Variants in CACNA1E observed in about 807,000 individuals in gnomAD.
CACNA1E encodes calcium voltage-gated channel subunit alpha1 E.
In CACNA1E, 40 loss-of-function variants were observed where a neutral mutation model predicts 259.2. That is an observed-to-expected ratio of 0.15 (90% CI 0.12 to 0.20). The LOEUF (loss-of-function observed/expected upper bound fraction) is 0.20. CACNA1E is among the 10% of genes least tolerant of loss of function. The probability of loss-of-function intolerance (pLI) is 1.00; values close to 1 mark genes in which losing one functional copy is unlikely to be tolerated. For missense variants in CACNA1E, 1,874 were observed against 3,040.1 expected (o/e 0.62, Z 9.02); for synonymous variants, 1,104 against 1,138.5 (o/e 0.97, Z 0.61).
At chr1:181,329,995 C>A (rs1274072907) in intron 1 of CACNA1E, among the ~76,000 whole-genome samples, 1 of 152,196 alleles carries the variant, frequency 6.6e-6, no homozygotes, top group East Asian at 1.9e-4. Context: ...GGATTTGCCC[C>A]TCCCAGTCCC....
intron 19 of CACNA1E, 117 bp downstream of exon 19, chr1:181,731,348 G>C (rs1259835964): frequency 2.8e-5 from 14 of 498,664 alleles, no homozygotes; most frequent in Non-Finnish European, 4.5e-5. Flanking sequence ...GTGTGGCTTG[G>C]TGTGTGTGTG....
At position 181,732,312 on chromosome 1, in the gene CACNA1E, G is replaced by A; in HGVS notation, c.2298-72G>A. On this transcript the variant is annotated intron_variant, in intron 19 of 47. Coordinates refer to ENST00000367573, the MANE Select transcript of CACNA1E (RefSeq NM_001205293.3). This position sits in a 1 kb window ranked among gnomAD's most constrained non-coding sequence, Gnocchi z 5.5. Reference sequence around the variant, plus strand: ...CACCATGTGTCCTGCCCTCTCACATGGCCCCTGTGGCCACCCTCCCTGCCT... The same window carrying A: ...CACCATGTGTCCTGCCCTCTCACATAGCCCCTGTGGCCACCCTCCCTGCCT... The A allele has an allele frequency of 6.9e-7, 1 of 1,450,200 alleles. No individual in the cohort carries two copies. The highest frequency in any genetic ancestry group is 9.1e-7 in the Non-Finnish European group (1 of 1,103,076). The allele number at this position is 1,450,200 out of a possible 1,614,324, so 89.8% of individuals were successfully genotyped here.
rs1655558924 is a variant in CACNA1E, at chr1:181,732,284, C to T, written c.2298-100C>T. 2 of 1,417,986 alleles carry T rather than the reference C, an allele frequency of 1.4e-6. No homozygotes were observed. Among genetic ancestry groups the T allele is most frequent in the Non-Finnish European group, 1.8e-6 (2 of 1,089,338 alleles). 87.8% of individuals were successfully genotyped at this position (1,417,986 alleles called of 1,614,324 possible). A position where few individuals can be genotyped will look rare whatever the true frequency, so the allele number is the denominator to read the frequency against. ...GCAGGTCCTGGGCACTCCCATTTGCCCCCACCATGTGTCCTGCCCTCTCAC... is the reference window on the plus strand; with the variant it reads ...GCAGGTCCTGGGCACTCCCATTTGCTCCCACCATGTGTCCTGCCCTCTCAC... On this transcript the variant is annotated intron_variant, in intron 19 of 47. Transcript: ENST00000367573. The surrounding 1 kb of genome is among the most constrained non-coding windows in gnomAD (Gnocchi z 5.5).
chr1:181,787,300 C>A (rs1227601067), intron 43 of CACNA1E, among the ~76,000 whole-genome samples: 1 of 151,958 alleles, frequency 6.6e-6, no homozygotes, highest in South Asian at 2.1e-4. Context: ...TTAGTAGAGA[C>A]GGGGTTTCAC....
chr1:181,384,658 C>T (rs1391437773), intron 1 of CACNA1E, among the ~76,000 whole-genome samples: 1 of 152,166 alleles, frequency 6.6e-6, no homozygotes, highest in African/African-American at 2.4e-5. Flanking sequence ...TCTCTCTCTG[C>T]ACCCTTTGTG....
At chr1:181,616,118 G>A (rs907156243) in intron 6 of CACNA1E, among the ~76,000 whole-genome samples, 19 of 152,004 alleles carry the variant, frequency 1.2e-4, no homozygotes, top group African/African-American at 4.1e-4. Flanking sequence ...TTTTACGATT[G>A]CATTATCTGT....
chr1:181,691,117 A>C (rs2102322143), intron 7 of CACNA1E, among the ~76,000 whole-genome samples: 1 of 152,038 alleles, frequency 6.6e-6, no homozygotes, highest in South Asian at 2.1e-4. Flanking sequence ...TGACTTATTT[A>C]AGATCTTCAA....
chr1:181,577,913 A>G (rs773431139), intron 4 of CACNA1E, 44 bp downstream of exon 4: 2 of 1,279,356 alleles, frequency 1.6e-6, no homozygotes, highest in Non-Finnish European at 2.2e-6. Flanking sequence ...AACTTTCTTC[A>G]TGTGTCCTCA....
intron 7 of CACNA1E, among the ~76,000 whole-genome samples, chr1:181,691,771 C>T (rs115118982): frequency 0.011 from 1,646 of 152,194 alleles, 32 homozygotes; most frequent in African/African-American, 0.037. Flanking sequence ...GACAAGGATG[C>T]CCACTCTCAC....
chr1:181,631,843 G>T (rs545141537), intron 6 of CACNA1E, among the ~76,000 whole-genome samples: 1 of 152,296 alleles, frequency 6.6e-6, no homozygotes, highest in Non-Finnish European at 1.5e-5. Flanking sequence ...CAGATCCTTT[G>T]TGGGAGACAC....
chr1:181,550,480 C>A (rs894914744), intron 3 of CACNA1E, among the ~76,000 whole-genome samples: 1 of 151,988 alleles, frequency 6.6e-6, no homozygotes, highest in East Asian at 1.9e-4. Flanking sequence ...CAAGGACAGA[C>A]TCCAAGAGGC....
Position 181,732,496 on chromosome 1 carries a change from A to G in CACNA1E, c.2410A>G (p.Thr804Ala). 1 of 1,551,500 alleles carries G rather than the reference A, an allele frequency of 6.4e-7. No homozygotes were observed. ...GGCCCTCAACAGAGAGGAGGCGCCGACCATGAACCCGCTCAACCCCCTCAA... is the reference window on the plus strand; with the variant it reads ...GGCCCTCAACAGAGAGGAGGCGCCGGCCATGAACCCGCTCAACCCCCTCAA... ...QEALNREEAP[T>A]MNPLNPLNPL... is the part of the protein sequence containing the mutation. Residue 804 changes from threonine to alanine, a missense_variant, in exon 20 of 48, where the codon ACC (threonine) becomes GCC (alanine). Thr to Ala is a moderately conservative substitution (Grantham distance 58). Around this residue, in one of 14 missense-constraint regions of CACNA1E, gnomAD observed 476 missense variants for 514.0 expected, o/e 0.93. Transcript: ENST00000367573. The surrounding 1 kb of genome is among the most constrained non-coding windows in gnomAD (Gnocchi z 5.5).
chr1:181,592,112 A>G (rs1045634270), intron 6 of CACNA1E, among the ~76,000 whole-genome samples: 3 of 152,156 alleles, frequency 2.0e-5, no homozygotes, highest in African/African-American at 7.2e-5. Context: ...TCCCTGAGAA[A>G]TTCAAAAGAG....
intron 7 of CACNA1E, among the ~76,000 whole-genome samples, chr1:181,654,507 G>A (rs1277819781): frequency 6.6e-6 from 1 of 152,168 alleles, no homozygotes; most frequent in Admixed American, 6.5e-5. Flanking sequence ...TGTTGAGGCA[G>A]ATGCAAGGAT....
At chr1:181,555,026 G>C (rs1475234729) in intron 3 of CACNA1E, among the ~76,000 whole-genome samples, 1 of 152,156 alleles carries the variant, frequency 6.6e-6, no homozygotes, top group Non-Finnish European at 1.5e-5. Context: ...CAGATGCTGA[G>C]ATGCTCATAC....
At chr1:181,691,321 C>T (rs1651134246) in intron 7 of CACNA1E, among the ~76,000 whole-genome samples, 1 of 151,864 alleles carries the variant, frequency 6.6e-6, no homozygotes, top group African/African-American at 2.4e-5. Context: ...TTAGGTACTA[C>T]ATTTTACATA....
rs539782040 is a variant in CACNA1E at position 181,455,131 on chromosome 1, A to C, written c.435-28613A>C. On this transcript the variant is annotated intron_variant, in intron 2 of 11. Transcript: ENST00000524607. Reference sequence around the variant, plus strand: ...GTGCTAAAATGCCCTTTCTTTTATGAGATGTTGGAGCATAAATAGTGGTGG... The same window carrying C: ...GTGCTAAAATGCCCTTTCTTTTATGCGATGTTGGAGCATAAATAGTGGTGG... 6.6e-5 allele frequency among the ~76,000 whole-genome samples: 10 copies of C among 152,320 alleles called. 1 individual carries two copies. In the South Asian group the frequency reaches 2.1e-3, roughly 32 times the overall value.
chr1:181,346,772 G>A (rs140847009), intron 1 of CACNA1E, among the ~76,000 whole-genome samples: 230 of 152,248 alleles, frequency 1.5e-3, no homozygotes, highest in Non-Finnish European at 1.4e-3. Context: ...CCATGGGCAG[G>A]GACAGGGAGG....
At chr1:181,550,796 T>TC (rs987564358) in intron 3 of CACNA1E, among the ~76,000 whole-genome samples, 113 of 151,988 alleles carry the variant, frequency 7.4e-4, no homozygotes, top group African/African-American at 2.7e-3. Flanking sequence ...ATATGTAAAG[T>TC]CCCTTGTCAG....
Sources: allele counts gnomAD v4.1 joint callset (sites outside exome capture counted in the v4.1 genomes callset), GRCh38; gene constraint gnomAD v4.1.1; regional missense constraint gnomAD v4.1.1; non-coding constraint Gnocchi (gnomAD v3.1); transcripts MANE v1.5; gene names NCBI Gene and HGNC (gene_info 2026-07-23, HGNC 2026-07-21).